MAN1A1: variants seen among roughly 807,000 people sequenced by gnomAD.
MAN1A1 encodes mannosidase alpha class 1A member 1.
A neutral mutation model predicts 70.8 loss-of-function variants in MAN1A1; 29 were observed. The observed-to-expected ratio is 0.41, with a 90% CI of 0.31 to 0.56. The LOEUF (loss-of-function observed/expected upper bound fraction) is 0.56. Among genes scored for constraint, MAN1A1 ranks in the 20% least tolerant of loss-of-function variants. The pLI, the probability that MAN1A1 is intolerant of heterozygous loss-of-function variation, is 0.29. For synonymous variants in MAN1A1, 349 were observed against 330.1 expected (o/e 1.06, Z -0.62); for missense variants, 747 against 841.3 (o/e 0.89, Z 1.39).
intron 2 of MAN1A1, among the ~76,000 whole-genome samples, chr6:119,326,584 A>T (rs2114485183): frequency 6.6e-6 from 1 of 152,302 alleles, no homozygotes; most frequent in South Asian, 2.1e-4. Flanking sequence ...CAACTTCTGG[A>T]GACTAGGTAA....
In MAN1A1 at chr6:119,269,990, G is replaced by A. The variant is rs190032302; in HGVS notation, c.897+20693C>T. Among the ~76,000 whole-genome samples the A allele has an allele frequency of 7.9e-5, 12 of 152,220 alleles. No individual in the cohort carries two copies. In the East Asian group the frequency reaches 2.1e-3, roughly 27 times the overall value. On this transcript the variant is annotated intron_variant, in intron 5 of 12. Transcript: ENST00000368468. ...CTTATCAATTTAAACGTACTTAGTG[G>A]ATTTTAATCTATTATAGTTCTTATT...
chr6:119,257,040 T>A (rs545112331), intron 5 of MAN1A1, among the ~76,000 whole-genome samples: 19 of 152,270 alleles, frequency 1.2e-4, no homozygotes, highest in African/African-American at 4.3e-4. Flanking sequence ...GAATTTTTTT[T>A]AAAAAGTGAG....
rs953674961 is a variant in MAN1A1, at chr6:119,177,366, C to T, written c.*2453G>A. ...AAAAATAAAAAACAATCAATGTACA[C>T]AATGTGTAGCTCATATGAAAACCTC... On this transcript the variant is annotated 3_prime_UTR_variant, in exon 13 of 13. Transcript: ENST00000368468. The T allele has an allele frequency of 3.9e-5, 6 of 152,002 alleles. No individual in the cohort carries two copies. The highest frequency in any genetic ancestry group is 1.4e-4 in the African/African-American group (6 of 41,402). 9.4% of individuals were successfully genotyped at this position (152,002 alleles called of 1,614,324 possible). A position where few individuals can be genotyped will look rare whatever the true frequency, so the allele number is the denominator to read the frequency against.
chr6:119,348,430 G>C (rs780732288), intron 2 of MAN1A1, 33 bp downstream of exon 2: 19 of 1,525,768 alleles, frequency 1.2e-5, no homozygotes, highest in Non-Finnish European at 1.7e-5. Flanking sequence ...AAACACGGCC[G>C]GTCGGGAGGG....
chr6:119,220,935 T>C (rs1002287066), intron 6 of MAN1A1, among the ~76,000 whole-genome samples: 8 of 152,220 alleles, frequency 5.3e-5, no homozygotes, highest in Non-Finnish European at 1.2e-4. Flanking sequence ...TGACTCATAA[T>C]ATACTTTTTT....
At chr6:119,235,345 TAAG>T (rs1262838969) in intron 6 of MAN1A1, among the ~76,000 whole-genome samples, 2 of 152,202 alleles carry the variant, frequency 1.3e-5, no homozygotes, top group African/African-American at 2.4e-5. Flanking sequence ...TCATGAATGA[TAAG>T]AACGCAAAAC....
At chr6:119,276,775 G>C (rs1162776388) in intron 5 of MAN1A1, among the ~76,000 whole-genome samples, 1 of 151,958 alleles carries the variant, frequency 6.6e-6, no homozygotes, top group Non-Finnish European at 1.5e-5. Flanking sequence ...AGCAACTGTG[G>C]GTATTGTTTT....
intron 6 of MAN1A1, among the ~76,000 whole-genome samples, chr6:119,238,164 C>T (rs542852784): frequency 3.9e-5 from 6 of 152,138 alleles, no homozygotes; most frequent in African/African-American, 1.4e-4. Context: ...ACTTTGTCCC[C>T]AAAGGGGACA....
intron 5 of MAN1A1, among the ~76,000 whole-genome samples, chr6:119,251,621 G>T (rs1775319470): frequency 6.6e-6 from 1 of 152,110 alleles, no homozygotes; most frequent in African/African-American, 2.4e-5. Flanking sequence ...AGATACAGAA[G>T]GCAAGAGAGA....
chr6:119,236,214 C>T (rs1249438951), intron 6 of MAN1A1, among the ~76,000 whole-genome samples: 3 of 151,596 alleles, frequency 2.0e-5, no homozygotes, highest in Non-Finnish European at 4.4e-5. Flanking sequence ...TGGATGATAG[C>T]ACATATATTT....
At chr6:119,231,861 T>C (rs1774686337) in intron 6 of MAN1A1, among the ~76,000 whole-genome samples, 1 of 152,222 alleles carries the variant, frequency 6.6e-6, no homozygotes, top group Non-Finnish European at 1.5e-5. Flanking sequence ...GGTTCTATAA[T>C]CCTAGCTTTC....
intron 1 of MAN1A1, 110 bp from the exon 2 acceptor site, chr6:119,349,397 G>T: frequency 1.1e-6 from 1 of 947,800 alleles, no homozygotes; most frequent in Non-Finnish European, 1.3e-6. Flanking sequence ...CCCTTAAGCA[G>T]AGTCCTGTCC....
At chr6:119,345,566 G>A (rs1483746031) in intron 2 of MAN1A1, among the ~76,000 whole-genome samples, 1 of 152,110 alleles carries the variant, frequency 6.6e-6, no homozygotes, top group East Asian at 1.9e-4. Flanking sequence ...TGACCTATTT[G>A]AAATTAACAG....
intron 5 of MAN1A1, among the ~76,000 whole-genome samples, 154 bp downstream of exon 5, chr6:119,290,529 C>T (rs1038266566): frequency 4.6e-5 from 7 of 151,946 alleles, no homozygotes; most frequent in Non-Finnish European, 7.4e-5. Context: ...TTCATTAGTA[C>T]ATATTGTAAG....
chr6:119,241,855 T>G (rs563296845), intron 6 of MAN1A1, among the ~76,000 whole-genome samples: 1 of 151,908 alleles, frequency 6.6e-6, no homozygotes, highest in African/African-American at 2.4e-5. Context: ...CCCAAACCAA[T>G]TGAAACAGAC....
intron 5 of MAN1A1, among the ~76,000 whole-genome samples, chr6:119,280,517 T>C (rs535399411): frequency 6.6e-6 from 1 of 152,254 alleles, no homozygotes; most frequent in Non-Finnish European, 1.5e-5. Context: ...AATAAGCATC[T>C]GCTGATTCAC....
intron 2 of MAN1A1, among the ~76,000 whole-genome samples, chr6:119,325,936 A>C (rs1773135834): frequency 6.6e-6 from 1 of 152,112 alleles, no homozygotes; most frequent in Non-Finnish European, 1.5e-5. Context: ...GATTTGCATT[A>C]CTCCTACCAG....
At chr6:119,232,641 T>C (rs1774716024) in intron 6 of MAN1A1, among the ~76,000 whole-genome samples, 1 of 151,662 alleles carries the variant, frequency 6.6e-6, no homozygotes, top group Non-Finnish European at 1.5e-5. Context: ...CAGATTAGAT[T>C]AAATCAAATT....
chr6:119,211,620 C>A (rs1185273938), intron 6 of MAN1A1, among the ~76,000 whole-genome samples: 1 of 152,144 alleles, frequency 6.6e-6, no homozygotes, highest in Non-Finnish European at 1.5e-5. Flanking sequence ...ACTTCCTCTT[C>A]CAGGCTGATC....
Sources: allele counts gnomAD v4.1 joint callset (sites outside exome capture counted in the v4.1 genomes callset), GRCh38; gene constraint gnomAD v4.1.1; transcripts MANE v1.5; gene names NCBI Gene and HGNC (gene_info 2026-07-23, HGNC 2026-07-21).